SERINC5: variants seen among roughly 807,000 people sequenced by gnomAD.
SERINC5 encodes serine incorporator 5.
SERINC5 carries 41 observed loss-of-function variants against 63.1 expected under a neutral mutation model. The ratio of observed to expected loss-of-function variants is 0.65; its 90% CI spans 0.51 to 0.84. SERINC5 has a LOEUF of 0.84. Among genes scored for constraint, SERINC5 ranks in the 40% least tolerant of loss-of-function variants. The pLI, the probability that SERINC5 is intolerant of heterozygous loss-of-function variation, is 0.00. For missense variants in SERINC5, 523 were observed against 573.0 expected (o/e 0.91, Z 0.89); for synonymous variants, 222 against 215.2 (o/e 1.03, Z -0.28).
In SERINC5 at chr5:80,141,841, CCA is replaced by C. The variant is rs1745528467; in HGVS notation, c.*1820_*1821del. ...AATTTACAAAACAAGGCTCTCTAAACCACACACACAGATGGAGTGCCTTTTGA... is the reference window on the plus strand; with the variant it reads ...AATTTACAAAACAAGGCTCTCTAAACCACACACAGATGGAGTGCCTTTTGA... On this transcript the variant is annotated 3_prime_UTR_variant, in exon 12 of 12. Coordinates refer to ENST00000507668, the MANE Select transcript of SERINC5 (RefSeq NM_001174072.3). 3.0e-6 allele frequency: 3 copies of C among 985,222 alleles called. No individual in the cohort carries two copies. The highest frequency in any genetic ancestry group is 9.4e-5 in the South Asian group (2 of 21,290). The allele number at this position is 985,222 out of a possible 1,614,324, so 61.0% of individuals were successfully genotyped here. A position where few individuals can be genotyped will look rare whatever the true frequency, so the allele number is the denominator to read the frequency against.
chr5:80,158,786 T>C, intron 8 of SERINC5, 50 bp downstream of exon 8: 5 of 1,565,724 alleles, frequency 3.2e-6, no homozygotes, highest in South Asian at 2.3e-5. Context: ...ATTCTTTTCC[T>C]GTAATTTTAA....
chr5:80,178,193 G>C (rs756129274), intron 2 of SERINC5, 129 bp from the exon 3 acceptor site: 4 of 541,818 alleles, frequency 7.4e-6, no homozygotes, highest in Non-Finnish European at 1.3e-5. Context: ...ACAGACTGAG[G>C]ATCTATCTTC....
intron 2 of SERINC5, among the ~76,000 whole-genome samples, chr5:80,182,968 A>G (rs994213452): frequency 6.6e-6 from 1 of 152,186 alleles, no homozygotes; most frequent in African/African-American, 2.4e-5. Context: ...TACAAAGGCA[A>G]GGTCTTGCTG....
At chr5:80,116,833 C>CT (rs780853184) in intron 11 of SERINC5, among the ~76,000 whole-genome samples, 2,556 of 143,262 alleles carry the variant, frequency 0.018, 76 homozygotes, top group African/African-American at 0.058. Flanking sequence ...CTGGAGAGCT[C>CT]TTTTTTTTTT....
intron 1 of SERINC5, among the ~76,000 whole-genome samples, chr5:80,221,732 T>C (rs1750914358): frequency 6.6e-6 from 1 of 151,648 alleles, no homozygotes; most frequent in Non-Finnish European, 1.5e-5. Flanking sequence ...ATATAGGATA[T>C]GTTTTGTTGT....
chr5:80,159,022 A>C (rs749758008), intron 7 of SERINC5, 60 bp from the exon 8 acceptor site: 48 of 1,591,808 alleles, frequency 3.0e-5, no homozygotes, highest in South Asian at 2.2e-5. Context: ...TAACGCACAG[A>C]AGCACTCATT....
intron 1 of SERINC5, among the ~76,000 whole-genome samples, chr5:80,207,480 G>A (rs952477004): frequency 2.0e-5 from 3 of 152,170 alleles, no homozygotes; most frequent in Admixed American, 6.5e-5. Flanking sequence ...ATCACTGTGA[G>A]CCTAATTGGA....
At chr5:80,191,055 A>C (rs1397349080) in intron 2 of SERINC5, among the ~76,000 whole-genome samples, 3 of 152,036 alleles carry the variant, frequency 2.0e-5, no homozygotes, top group Non-Finnish European at 4.4e-5. Flanking sequence ...AAATGAAGCC[A>C]CTTGTACTAA....
chr5:80,212,031 C>G (rs931505765), intron 1 of SERINC5, among the ~76,000 whole-genome samples: 3 of 152,140 alleles, frequency 2.0e-5, no homozygotes, highest in Non-Finnish European at 4.4e-5. Context: ...GGCTGGACAG[C>G]CAAGTTGGCT....
In SERINC5 at chr5:80,131,485, C is replaced by G. The variant is rs138094016; in HGVS notation, c.1238+14605G>C. 3.7e-3 allele frequency among the ~76,000 whole-genome samples: 562 copies of G among 152,228 alleles called. 5 individuals are homozygous for G. The highest frequency in any genetic ancestry group is 0.013 in the African/African-American group (532 of 41,546). Reference sequence around the variant, plus strand: ...GGCCAAGTGCTATCCAAGGGAGAAGCATTCCAGTATGGGAAAGAGTGTGTG... The same window carrying G: ...GGCCAAGTGCTATCCAAGGGAGAAGGATTCCAGTATGGGAAAGAGTGTGTG... On this transcript the variant is annotated intron_variant, in intron 11 of 12. Coordinates refer to the SERINC5 transcript ENST00000509193.
In SERINC5 at chr5:80,171,141, C is replaced by T. The variant is rs555704891; in HGVS notation, c.552-1595G>A. Among the ~76,000 whole-genome samples the T allele has an allele frequency of 8.5e-5, 13 of 152,140 alleles. No individual in the cohort carries two copies. The South Asian group carries it at 2.5e-3, about 29-fold the overall frequency. ...TTCTCTGCCTCAGCCTCCTTAGTAG[C>T]TGGGATTACAGGTATCCACCACCAT... On this transcript the variant is annotated intron_variant, in intron 5 of 11. Transcript: ENST00000507668.
Position 80,256,005 on chromosome 5 carries a change from G to A in SERINC5, c.-83C>T. The A allele has an allele frequency of 7.4e-7, 1 of 1,348,398 alleles. No individual in the cohort carries two copies. Among genetic ancestry groups the A allele is most frequent in the Non-Finnish European group, 9.7e-7 (1 of 1,026,292 alleles). 83.5% of individuals were successfully genotyped at this position (1,348,398 alleles called of 1,614,324 possible). ...TGGCTGCCTCGCGCCTCGAGCGCTG[G>A]GCTCAGCCGCAGCTCACACTTGAAC... is the stretch of plus-strand genomic sequence containing the variant. On this transcript the variant is annotated 5_prime_UTR_variant, in exon 1 of 12. Transcript: ENST00000507668.
intron 1 of SERINC5, among the ~76,000 whole-genome samples, chr5:80,213,363 C>A (rs1466400643): frequency 6.6e-6 from 1 of 152,128 alleles, no homozygotes; most frequent in Non-Finnish European, 1.5e-5. Context: ...TTACCTGTTA[C>A]AATCATCCCT....
downstream of SERINC5, among the ~76,000 whole-genome samples, chr5:80,137,150 AAAAAAAAAAAAAACAAAAAAAAC>A (rs1220075899): frequency 7.9e-6 from 1 of 126,280 alleles, no homozygotes; most frequent in Non-Finnish European, 1.7e-5. Flanking sequence ...AAAAAAAAAA[AAAAAAAAAAAAAACAAAAAAAAC>A]ACCTAAAAAC....
chr5:80,118,884 T>C (rs973762448), intron 11 of SERINC5, among the ~76,000 whole-genome samples: 1 of 152,012 alleles, frequency 6.6e-6, no homozygotes, highest in Non-Finnish European at 1.5e-5. Flanking sequence ...GGTTCTATCT[T>C]CATGAACTAA....
intron 2 of SERINC5, among the ~76,000 whole-genome samples, chr5:80,188,375 C>T (rs533404022): frequency 8.6e-5 from 13 of 151,742 alleles, no homozygotes; most frequent in African/African-American, 3.1e-4. Context: ...TATTTTACTG[C>T]CAAAATGTGT....
Position 80,143,657 on chromosome 5 carries a change from A to T in SERINC5, c.*6T>A, listed in dbSNP as rs747023559. 9.7e-5 allele frequency: 149 copies of T among 1,535,632 alleles called. No homozygotes were observed. The highest frequency in any genetic ancestry group is 1.2e-4 in the Non-Finnish European group (139 of 1,146,700). On this transcript the variant is annotated 3_prime_UTR_variant, in exon 12 of 12. Transcript: ENST00000507668. ...GCCCACAAAGCCCAGGGGACCGCCG[A>T]TATCATCACACAGAGAACTCCCGGG... is the stretch of plus-strand genomic sequence containing the variant.
chr5:80,206,995 C>CTA (rs148319224), intron 1 of SERINC5, among the ~76,000 whole-genome samples: 3,471 of 148,344 alleles, frequency 0.023, 48 homozygotes, highest in African/African-American at 0.032. Context: ...TAACTTCTCA[C>CTA]TATATATATA....
chr5:80,216,436 A>G (rs1750665869), intron 1 of SERINC5, among the ~76,000 whole-genome samples: 1 of 152,220 alleles, frequency 6.6e-6, no homozygotes, highest in African/African-American at 2.4e-5. Flanking sequence ...TGAACACAGG[A>G]GAGCATGCTG....
Sources: gnomAD v4.1 joint callset for allele counts (sites outside exome capture counted in the v4.1 genomes callset) on GRCh38, gnomAD v4.1.1 for gene constraint, MANE v1.5 for transcripts, NCBI Gene and HGNC (gene_info 2026-07-23, HGNC 2026-07-21) for gene names.